TAF6: variants seen among roughly 807,000 people sequenced by gnomAD.
TAF6 encodes TATA-box binding protein associated factor 6.
Under a neutral mutation model 73.5 loss-of-function variants are expected in TAF6, and 50 were observed. That is an observed-to-expected ratio of 0.68 (90% confidence interval 0.54 to 0.86). TAF6 has a LOEUF of 0.86. Ranked by LOEUF, TAF6 falls within the 40% of genes least tolerant of loss-of-function variation. The pLI is 0.00. For missense variants in TAF6, 768 were observed against 899.5 expected (o/e 0.85, Z 1.87); for synonymous variants, 424 against 376.7 (o/e 1.13, Z -1.45).
At chr7:100,124,696 T>A (rs1376538296), upstream of TAF6, 2 of 1,613,326 alleles carry the variant, frequency 1.2e-6, no homozygotes, top group South Asian at 1.1e-5. Flanking sequence ...AGGACTAATA[T>A]CTAAATTGTT....
rs1256478752 is a variant in TAF6, at chr7:100,112,846, C to T, written c.526G>A (p.Gly176Arg). The T allele has an allele frequency of 3.7e-6, 6 of 1,613,850 alleles. No individual in the cohort carries two copies. The Admixed American group carries it at 5.0e-5, about 13-fold the overall frequency. The change falls in exon 6 of 15, where the codon GGA (glycine) becomes AGA (arginine). Residue 176 changes from glycine to arginine, a missense_variant. This residue lies in a region of TAF6 where 269 missense variants were observed against 268.0 expected (regional missense o/e 1.00). Coordinates refer to ENST00000453269, the MANE Select transcript of TAF6 (RefSeq NM_139315.3). The stretch of plus-strand genomic sequence containing the variant: ...CCTTGACCTTTGCCCTTCAGGGGTC[C>T]GTCTTCCTCCTGGCCTGGCTTGGCT... ...KSAKPGQEED[G>R]PLKGKGQGAT...
Position 100,111,755 on chromosome 7 carries a change from G to A in TAF6, c.873C>T (p.Asp291=). ...ATTTTTCTAGATAGAGCGTGGGGTT[G>A]TCCATCAGCGCTTTCACCATACGCA... is the stretch of plus-strand genomic sequence containing the variant. ...YLMRMVKALM[D]NPTLYLEKYV... is the part of the protein sequence containing the mutation. Residue 291 remains aspartate (D), a synonymous_variant, in exon 9 of 15, where the codon GAC becomes GAT. Coordinates refer to ENST00000453269, the MANE Select transcript of TAF6 (RefSeq NM_139315.3). 6.2e-7 allele frequency: 1 copy of A among 1,614,222 alleles called. No homozygotes were observed.
chr7:100,119,722 T>C (rs757835840), upstream of TAF6: 5 of 1,613,792 alleles, frequency 3.1e-6, no homozygotes, highest in African/African-American at 5.3e-5. Flanking sequence ...CAAGCGGTGA[T>C]TGTTTGTAGA....
intron 2 of TAF6, 29 bp downstream of exon 2, chr7:100,114,025 T>C (rs769141008): frequency 3.1e-6 from 5 of 1,613,870 alleles, no homozygotes; most frequent in Non-Finnish European, 4.2e-6. Flanking sequence ...ATGGACCCAA[T>C]GTAGAGCTGG....
chr7:100,123,391 G>C (rs548904312), upstream of TAF6, among the ~76,000 whole-genome samples: 1 of 151,938 alleles, frequency 6.6e-6, no homozygotes, highest in African/African-American at 2.4e-5. Flanking sequence ...ATAATGAGCC[G>C]GGTGGAGTGG....
intron 10 of TAF6, among the ~76,000 whole-genome samples, chr7:100,110,645 C>G (rs901959685): frequency 6.6e-6 from 1 of 152,192 alleles, no homozygotes; most frequent in African/African-American, 2.4e-5. Context: ...AACCCCGTCT[C>G]TACTAAAAAC....
intron 1 of TAF6, among the ~76,000 whole-genome samples, chr7:100,117,277 T>G (rs1797747665): frequency 1.3e-5 from 2 of 149,408 alleles, no homozygotes; most frequent in Non-Finnish European, 3.0e-5. Context: ...CTTTTTTTTT[T>G]TTTTTTTTTT....
intron 12 of TAF6, 120 bp downstream of exon 12, chr7:100,109,828 C>T (rs1348242564): frequency 6.9e-7 from 1 of 1,453,704 alleles, no homozygotes; most frequent in Non-Finnish European, 9.3e-7. Flanking sequence ...GTATCAGACT[C>T]TGCAATGTCC....
At chr7:100,112,983 G>A in intron 5 of TAF6, 66 bp from the exon 6 acceptor site, 1 of 1,556,122 alleles carries the variant, frequency 6.4e-7, no homozygotes, top group Non-Finnish European at 8.7e-7. Context: ...GGTGGGAGGA[G>A]GCCGGATGCG....
chr7:100,110,503 C>A (rs1228829548), intron 10 of TAF6, among the ~76,000 whole-genome samples: 1 of 151,938 alleles, frequency 6.6e-6, no homozygotes, highest in Non-Finnish European at 1.5e-5. Context: ...TCTGTCTCTA[C>A]TAAAAATACA....
At chr7:100,124,682 C>T (rs779528954), upstream of TAF6, 2 of 1,612,766 alleles carry the variant, frequency 1.2e-6, no homozygotes, top group Non-Finnish European at 1.7e-6. Context: ...CCTCCCCTGC[C>T]TCCAGGACTA....
rs1491135480 is a variant in TAF6, at chr7:100,113,847, CCG to C, written c.243+19_243+20del. 6.2e-7 allele frequency: 1 copy of C among 1,613,026 alleles called. No individual in the cohort carries two copies. Among genetic ancestry groups the C allele is most frequent in the Admixed American group, 1.7e-5 (1 of 59,926 alleles). On this transcript the variant is annotated intron_variant, in intron 3 of 14. Coordinates refer to ENST00000453269, the MANE Select transcript of TAF6 (RefSeq NM_139315.3). ...TGAAGGATGGCGTCTCACCCCCCCC[CCG>C]CCTGTCTCCCCAAATCACCTCGACA...
intron 12 of TAF6, among the ~76,000 whole-genome samples, chr7:100,109,662 T>C (rs554852828): frequency 7.2e-4 from 109 of 151,742 alleles, no homozygotes; most frequent in African/African-American, 2.5e-3. Flanking sequence ...TCCCGGCTTT[T>C]TGGTTTTTTT....
At chr7:100,124,453 G>C, upstream of TAF6, 1 of 1,337,864 alleles carries the variant, frequency 7.5e-7, no homozygotes, top group South Asian at 1.2e-5. Flanking sequence ...AGGGAGAGAA[G>C]ACAGGCGGGA....
chr7:100,122,174 G>A, upstream of TAF6: 1 of 1,551,170 alleles, frequency 6.4e-7, no homozygotes, highest in Non-Finnish European at 8.8e-7. Context: ...GCACTTGTAT[G>A]CTCTGCTGCC....
At chr7:100,115,226 A>C (rs1797576940) in intron 1 of TAF6, 1 of 152,212 alleles carries the variant, frequency 6.6e-6, no homozygotes, top group African/African-American at 2.4e-5. Flanking sequence ...TTTTGGGCTC[A>C]AGCAATCCTC....
chr7:100,119,882 C>T (rs111538446), upstream of TAF6: 1 of 1,584,176 alleles, frequency 6.3e-7, no homozygotes, highest in South Asian at 1.1e-5. Flanking sequence ...GGGGGTAGCC[C>T]CTATAGGCAT....
chr7:100,125,723 G>A, the TAF6 span, among the ~76,000 whole-genome samples: 3 of 152,112 alleles, frequency 2.0e-5, no homozygotes, highest in Admixed American at 2.0e-4. Flanking sequence ...GTGGAGATGG[G>A]AGGATCACTT....
At chr7:100,110,979 CAA>C (rs11367015) in intron 10 of TAF6, among the ~76,000 whole-genome samples, 158 bp downstream of exon 10, 152 of 129,796 alleles carry the variant, frequency 1.2e-3, no homozygotes, top group African/African-American at 1.1e-3. Context: ...GACTCCATCT[CAA>C]AAAAAAAAAA....
Sources: allele counts gnomAD v4.1 joint callset (sites outside exome capture counted in the v4.1 genomes callset), GRCh38; gene constraint gnomAD v4.1.1; regional missense constraint gnomAD v4.1.1; transcripts MANE v1.5; gene names NCBI Gene and HGNC (gene_info 2026-07-23, HGNC 2026-07-21).